SLC2A13: variants seen among roughly 807,000 people sequenced by gnomAD.
SLC2A13 encodes the protein proton myo-inositol cotransporter.
In SLC2A13, 32 loss-of-function variants were observed where a neutral mutation model predicts 64.4. The ratio of observed to expected loss-of-function variants is 0.50; its 90% CI spans 0.37 to 0.67. The LOEUF is 0.67. Among genes scored for constraint, SLC2A13 ranks in the 30% least tolerant of loss-of-function variants. The pLI, the probability that SLC2A13 is intolerant of heterozygous loss-of-function variation, is 0.00. For synonymous variants in SLC2A13, 338 were observed against 327.1 expected, an observed-to-expected ratio of 1.03 and a Z score of -0.36; for missense variants, 743 against 829.2, an observed-to-expected ratio of 0.90 and a Z score of 1.28.
chr12:39,871,716 G>T, intron 5 of SLC2A13, 82 bp downstream of exon 5: 1 of 1,354,226 alleles, frequency 7.4e-7, no homozygotes, highest in Non-Finnish European at 9.9e-7. Context: ...TAGAAGTGGT[G>T]TAAGTATTGT....
chr12:39,940,036 T>C (rs1242792620), intron 4 of SLC2A13, among the ~76,000 whole-genome samples: 2 of 152,176 alleles, frequency 1.3e-5, no homozygotes, highest in African/African-American at 4.8e-5. Context: ...CACATGACAC[T>C]CATTTTTCAA....
chr12:39,819,310 G>A (rs962349441), intron 7 of SLC2A13, among the ~76,000 whole-genome samples: 3 of 152,018 alleles, frequency 2.0e-5, no homozygotes, highest in Non-Finnish European at 4.4e-5. Flanking sequence ...TCTCATTTAT[G>A]TCATAGAAAG....
intron 3 of SLC2A13, among the ~76,000 whole-genome samples, chr12:39,961,494 A>C (rs1240720102): frequency 6.6e-6 from 1 of 152,134 alleles, no homozygotes; most frequent in Non-Finnish European, 1.5e-5. Context: ...ACCTTTTATC[A>C]ATAAGCAATA....
chr12:39,944,104 A>G (rs914575717), intron 4 of SLC2A13, among the ~76,000 whole-genome samples: 4 of 152,206 alleles, frequency 2.6e-5, no homozygotes, highest in Non-Finnish European at 4.4e-5. Context: ...TTTTGGCCCA[A>G]CGCTCATTCA....
At chr12:39,832,443 G>A (rs1395822118) in intron 6 of SLC2A13, among the ~76,000 whole-genome samples, 1 of 151,964 alleles carries the variant, frequency 6.6e-6, no homozygotes, top group Non-Finnish European at 1.5e-5. Flanking sequence ...TAATGATAAA[G>A]GCTAATAATT....
intron 7 of SLC2A13, among the ~76,000 whole-genome samples, chr12:39,770,238 T>C (rs918191718): frequency 6.6e-6 from 1 of 152,122 alleles, no homozygotes; most frequent in Non-Finnish European, 1.5e-5. Context: ...TAGTTTATTC[T>C]GGCCTTGATC....
intron 4 of SLC2A13, among the ~76,000 whole-genome samples, chr12:39,942,001 T>C (rs777021167): frequency 3.2e-4 from 48 of 152,202 alleles, no homozygotes; most frequent in Admixed American, 1.3e-3. Context: ...GTTTGCATTG[T>C]CGAAGATCAG....
At chr12:39,966,052 T>C (rs1332479926) in intron 3 of SLC2A13, among the ~76,000 whole-genome samples, 7 of 151,578 alleles carry the variant, frequency 4.6e-5, no homozygotes, top group African/African-American at 1.7e-4. Context: ...CATATATATA[T>C]ACATATATAT....
At chr12:39,908,399 C>T (rs1945346988) in intron 4 of SLC2A13, 1 of 151,602 alleles carries the variant, frequency 6.6e-6, no homozygotes, top group African/African-American at 2.4e-5. Flanking sequence ...ATAATAAAAC[C>T]CCCCAGACAA....
At chr12:40,071,524 G>T (rs1189241021) in intron 1 of SLC2A13, among the ~76,000 whole-genome samples, 3 of 152,116 alleles carry the variant, frequency 2.0e-5, no homozygotes, top group African/African-American at 7.2e-5. Flanking sequence ...TTCATAAAAT[G>T]AGTTAGAAAG....
At chr12:39,939,944 T>G (rs1565552217) in intron 4 of SLC2A13, among the ~76,000 whole-genome samples, 1 of 152,152 alleles carries the variant, frequency 6.6e-6, no homozygotes. Context: ...CTGAAAGCAA[T>G]TAACTGGCAT....
intron 5 of SLC2A13, among the ~76,000 whole-genome samples, chr12:39,866,599 C>A (rs11174050): frequency 6.6e-6 from 1 of 151,988 alleles, no homozygotes; most frequent in African/African-American, 2.4e-5. Context: ...CCTGCCTCAG[C>A]CTCTGGAGTA....
At chr12:39,883,256 T>C (rs868829685) in intron 4 of SLC2A13, among the ~76,000 whole-genome samples, 5 of 152,144 alleles carry the variant, frequency 3.3e-5, no homozygotes, top group African/African-American at 4.8e-5. Flanking sequence ...AAAGGAAAGG[T>C]AGAGTGTGTC....
At chr12:39,881,792 G>T (rs1944341739) in intron 4 of SLC2A13, among the ~76,000 whole-genome samples, 1 of 152,144 alleles carries the variant, frequency 6.6e-6, no homozygotes, top group Non-Finnish European at 1.5e-5. Context: ...GGCAAGAAAT[G>T]ACTGTACTAT....
At chr12:39,986,191 T>C (rs1016251624) in intron 3 of SLC2A13, among the ~76,000 whole-genome samples, 2 of 152,084 alleles carry the variant, frequency 1.3e-5, no homozygotes, top group African/African-American at 4.8e-5. Context: ...TGAGGATTTA[T>C]ATTAGGAGAT....
At chr12:39,896,266 GTATA>G (rs1275483677) in intron 4 of SLC2A13, among the ~76,000 whole-genome samples, 1 of 137,114 alleles carries the variant, frequency 7.3e-6, no homozygotes, top group South Asian at 2.3e-4. Flanking sequence ...GTATATGTGT[GTATA>G]TATGTATACA....
intron 4 of SLC2A13, among the ~76,000 whole-genome samples, chr12:39,875,387 T>A (rs1208651616): frequency 6.6e-6 from 1 of 152,224 alleles, no homozygotes; most frequent in Non-Finnish European, 1.5e-5. Context: ...CTTGTGACTA[T>A]ATTGGCTCCA....
At chr12:39,899,297 A>G (rs1350413268) in intron 4 of SLC2A13, among the ~76,000 whole-genome samples, 5 of 152,070 alleles carry the variant, frequency 3.3e-5, no homozygotes, top group Admixed American at 2.0e-4. Flanking sequence ...CTCTGATGGT[A>G]GTTTGTATTT....
At chr12:39,827,432 G>A (rs990400130) in intron 7 of SLC2A13, among the ~76,000 whole-genome samples, 1 of 152,088 alleles carries the variant, frequency 6.6e-6, no homozygotes, top group Non-Finnish European at 1.5e-5. Flanking sequence ...CAGAGGCAAG[G>A]CCTGGAGCTT....
Sources: allele counts gnomAD v4.1 joint callset (sites outside exome capture counted in the v4.1 genomes callset), GRCh38; gene constraint gnomAD v4.1.1; transcripts MANE v1.5; gene names NCBI Gene and HGNC (gene_info 2026-07-23, HGNC 2026-07-21).